NAA15: variants seen among roughly 807,000 people sequenced by gnomAD.
NAA15 encodes the protein N-terminal acetyltransferase.
Under a neutral mutation model 114.0 loss-of-function variants are expected in NAA15, and 34 were observed. That is an observed-to-expected ratio of 0.30 (90% CI 0.23 to 0.40). The LOEUF is 0.40. NAA15 is among the 10% of genes least tolerant of loss of function. The pLI, the probability that NAA15 is intolerant of heterozygous loss-of-function variation, is 1.00. For missense variants in NAA15, 658 were observed against 1,004.5 expected, an observed-to-expected ratio of 0.66 and a Z score of 4.66; for synonymous variants, 340 against 338.0, an observed-to-expected ratio of 1.01 and a Z score of -0.06.
chr4:139,351,011 A>T (rs1161125560), intron 7 of NAA15, among the ~76,000 whole-genome samples, 180 bp from the exon 8 acceptor site: 3 of 152,056 alleles, frequency 2.0e-5, no homozygotes, highest in Non-Finnish European at 2.9e-5. Flanking sequence ...TACTTAAGAT[A>T]AAAAAAATTG....
At chr4:139,384,206 A>G (rs534835520) in intron 17 of NAA15, among the ~76,000 whole-genome samples, 77 of 152,284 alleles carry the variant, frequency 5.1e-4, no homozygotes, top group African/African-American at 1.7e-3. Context: ...GCTGGGCATG[A>G]TGGCTCATGC....
At chr4:139,378,245 G>A (rs1381361074) in intron 16 of NAA15, among the ~76,000 whole-genome samples, 1 of 152,140 alleles carries the variant, frequency 6.6e-6, no homozygotes, top group Non-Finnish European at 1.5e-5. Context: ...ACAGGGAATG[G>A]GTGTGGGGAT....
chr4:139,354,189 G>C, intron 10 of NAA15, 91 bp downstream of exon 10: 1 of 1,039,436 alleles, frequency 9.6e-7, no homozygotes, highest in East Asian at 2.4e-5. Flanking sequence ...TATTACTTAG[G>C]CAGTAAGCAC....
intron 15 of NAA15, among the ~76,000 whole-genome samples, chr4:139,374,127 T>C (rs986715375): frequency 1.3e-5 from 2 of 152,202 alleles, no homozygotes; most frequent in African/African-American, 4.8e-5. Flanking sequence ...TGGGAGTTGC[T>C]ATGCTAGAGA....
chr4:139,366,785 C>G (rs1400900847), intron 14 of NAA15, among the ~76,000 whole-genome samples: 1 of 151,872 alleles, frequency 6.6e-6, no homozygotes, highest in African/African-American at 2.4e-5. Context: ...ATTTAAAAAT[C>G]CTTTGTAGAG....
At chr4:139,374,056 T>G (rs1481937888) in intron 15 of NAA15, among the ~76,000 whole-genome samples, 1 of 152,190 alleles carries the variant, frequency 6.6e-6, no homozygotes, top group Non-Finnish European at 1.5e-5. Context: ...AGGCTATGAT[T>G]CCTTAGTACA....
chr4:139,379,724 A>G (rs1748688650), intron 17 of NAA15, among the ~76,000 whole-genome samples: 1 of 152,148 alleles, frequency 6.6e-6, no homozygotes, highest in African/African-American at 2.4e-5. Context: ...CCAATCACCA[A>G]AAAAATGCTA....
At chr4:139,373,072 G>T (rs1269652478) in intron 15 of NAA15, among the ~76,000 whole-genome samples, 1 of 151,946 alleles carries the variant, frequency 6.6e-6, no homozygotes, top group Admixed American at 6.6e-5. Flanking sequence ...TATGGCAATG[G>T]GATTCTACCA....
chr4:139,305,780 C>T (rs934734036), intron 1 of NAA15, among the ~76,000 whole-genome samples: 6 of 152,230 alleles, frequency 3.9e-5, no homozygotes, highest in South Asian at 2.1e-4. Context: ...GTGATCCACC[C>T]GCCTTGGCCT....
intron 15 of NAA15, among the ~76,000 whole-genome samples, chr4:139,371,800 C>T (rs1428505003): frequency 1.3e-5 from 2 of 152,116 alleles, no homozygotes; most frequent in East Asian, 3.9e-4. Flanking sequence ...CTTTTACCAC[C>T]TTCACTGCCA....
At chr4:139,309,455 G>GTGTGTA (rs1746143315) in intron 1 of NAA15, among the ~76,000 whole-genome samples, 1 of 150,304 alleles carries the variant, frequency 6.7e-6, no homozygotes, top group South Asian at 2.1e-4. Context: ...GTGTGTGTGT[G>GTGTGTA]TGTGTGTGTG....
At chr4:139,301,960 GC>G in intron 1 of NAA15, 129 bp downstream of exon 1, 1 of 1,000,154 alleles carries the variant, frequency 1.0e-6, no homozygotes, top group Non-Finnish European at 1.5e-6. Flanking sequence ...CTCTCGTCAG[GC>G]CGAATGCATT....
At chr4:139,302,911 C>G (rs1745856691) in intron 1 of NAA15, among the ~76,000 whole-genome samples, 1 of 152,126 alleles carries the variant, frequency 6.6e-6, no homozygotes, top group African/African-American at 2.4e-5. Flanking sequence ...CAAACGTTTC[C>G]TTATGATAGA....
chr4:139,350,211 G>A (rs1747732563), intron 7 of NAA15, among the ~76,000 whole-genome samples: 1 of 152,186 alleles, frequency 6.6e-6, no homozygotes, highest in South Asian at 2.1e-4. Context: ...GGGAGGCTGG[G>A]GCGGGAGGAT....
chr4:139,329,728 T>G (rs926573486), intron 1 of NAA15, among the ~76,000 whole-genome samples: 1 of 152,248 alleles, frequency 6.6e-6, no homozygotes, highest in Non-Finnish European at 1.5e-5. Flanking sequence ...ACCCTACATA[T>G]GCAAAACTTA....
intron 14 of NAA15, among the ~76,000 whole-genome samples, chr4:139,369,618 G>T (rs1748377934): frequency 6.6e-6 from 1 of 151,502 alleles, no homozygotes; most frequent in African/African-American, 2.4e-5. Flanking sequence ...CATGCCTGTA[G>T]TCCCAGCTAC....
chr4:139,345,015 T>A (rs907346620), intron 6 of NAA15, among the ~76,000 whole-genome samples: 10 of 152,224 alleles, frequency 6.6e-5, no homozygotes, highest in East Asian at 5.8e-4. Flanking sequence ...AGTGATTTTT[T>A]AAAAAATTAC....
intron 15 of NAA15, among the ~76,000 whole-genome samples, chr4:139,371,154 C>T (rs1384293991): frequency 2.0e-5 from 3 of 152,114 alleles, no homozygotes; most frequent in African/African-American, 7.2e-5. Flanking sequence ...TTAATTTTAG[C>T]CTCACTAGTA....
chr4:139,383,761 G>A (rs894179607), intron 17 of NAA15, among the ~76,000 whole-genome samples: 13 of 152,158 alleles, frequency 8.5e-5, no homozygotes, highest in African/African-American at 2.2e-4. Flanking sequence ...GTGAGCCACC[G>A]TGCCCAGCCT....
Sources: gnomAD v4.1 joint callset for allele counts (sites outside exome capture counted in the v4.1 genomes callset) on GRCh38, gnomAD v4.1.1 for gene constraint, MANE v1.5 for transcripts, NCBI Gene and HGNC (gene_info 2026-07-23, HGNC 2026-07-21) for gene names.